The following EPB41 variants were observed in gnomAD, a reference collection of about 807,000 sequenced individuals.
The protein encoded by EPB41 is erythrocyte membrane protein band 4.1.
In EPB41, 65 loss-of-function variants were observed where a neutral mutation model predicts 108.0. The observed-to-expected ratio is 0.60, with a 90% confidence interval of 0.49 to 0.74. The LOEUF (loss-of-function observed/expected upper bound fraction) is 0.74. Among genes scored for constraint, EPB41 ranks in the 30% least tolerant of loss-of-function variants. EPB41 has a pLI of 0.00. For synonymous variants in EPB41, 336 were observed against 358.9 expected (o/e 0.94, Z 0.72); for missense variants, 875 against 1,037.0 (o/e 0.84, Z 2.15).
rs1235864058 is a variant in EPB41, at chr1:29,119,441, AATTTT to A, written c.*2636_*2640del. On this transcript the variant is annotated 3_prime_UTR_variant, in exon 21 of 21. Coordinates refer to ENST00000343067, the MANE Select transcript of EPB41 (RefSeq NM_001376013.1). ...ACACCACAGTAACAACTCTCGCTGC[AATTTT>A]ATTTTAATTTGAGAAATAAAGATTT... 2.0e-5 allele frequency: 3 copies of A among 152,686 alleles called. No individual in the cohort carries two copies. Among genetic ancestry groups the A allele is most frequent in the South Asian group, 2.1e-4 (1 of 4,820 alleles). The allele number at this position is 152,686 out of a possible 1,614,324, so 9.5% of individuals were successfully genotyped here.
chr1:28,958,101 C>A (rs933946273), intron 1 of EPB41, among the ~76,000 whole-genome samples: 3 of 152,098 alleles, frequency 2.0e-5, no homozygotes, highest in African/African-American at 7.2e-5. Flanking sequence ...AGGTGTTGAG[C>A]CACTGCACCC....
chr1:29,025,634 C>T (rs1240394496), intron 7 of EPB41, among the ~76,000 whole-genome samples: 1 of 151,984 alleles, frequency 6.6e-6, no homozygotes, highest in African/African-American at 2.4e-5. Flanking sequence ...GTTGTGTTAA[C>T]ATGCACAGAT....
intron 16 of EPB41, among the ~76,000 whole-genome samples, chr1:29,085,035 T>C (rs1424601195): frequency 2.0e-5 from 3 of 152,070 alleles, no homozygotes; most frequent in African/African-American, 7.2e-5. Flanking sequence ...TTTTAAGAAA[T>C]ATAAATCATT....
At chr1:28,905,821 T>TC (rs1467437133) in intron 1 of EPB41, among the ~76,000 whole-genome samples, 2 of 114,836 alleles carry the variant, frequency 1.7e-5, no homozygotes, top group Non-Finnish European at 3.6e-5. Context: ...TTTCTTTCTT[T>TC]TTTTTTTTTT....
In EPB41 at chr1:28,887,245, C is replaced by T. The variant is rs547207726; in HGVS notation, c.-8+35C>T. ...GACCACCTGGGGGGCGACCCTCGGTCCCCGGGAGGGACGGGGTTAGGGACA... is the reference window on the plus strand; with the variant it reads ...GACCACCTGGGGGGCGACCCTCGGTTCCCGGGAGGGACGGGGTTAGGGACA... On this transcript the variant is annotated intron_variant, in intron 1 of 16. Coordinates refer to the EPB41 transcript ENST00000347529. The surrounding 1 kb of genome is among the most constrained non-coding windows in gnomAD (Gnocchi z 4.9). 7.1e-4 allele frequency: 910 copies of T among 1,278,078 alleles called. No homozygotes were observed. Among genetic ancestry groups the T allele is most frequent in the Non-Finnish European group, 8.2e-4 (804 of 983,914 alleles). The allele number at this position is 1,278,078 out of a possible 1,614,324, so 79.2% of individuals were successfully genotyped here.
At chr1:28,941,005 T>A (rs943230416) in intron 1 of EPB41, among the ~76,000 whole-genome samples, 12 of 152,170 alleles carry the variant, frequency 7.9e-5, no homozygotes, top group African/African-American at 2.9e-4. Context: ...AATCAGTAGA[T>A]GGTGAATTTG....
At chr1:28,891,257 A>G (rs142470591) in intron 1 of EPB41, among the ~76,000 whole-genome samples, 30 of 152,334 alleles carry the variant, frequency 2.0e-4, no homozygotes, top group Admixed American at 1.4e-3. Flanking sequence ...ATAAAGGGTT[A>G]GAGGAGAGCT....
rs1217567513 is a variant in EPB41, at chr1:29,119,595, C to G, written c.*2783C>G. On this transcript the variant is annotated 3_prime_UTR_variant, in exon 21 of 21. Coordinates refer to ENST00000343067, the MANE Select transcript of EPB41 (RefSeq NM_001376013.1). ...CCCCGTGACCCATCCCCGTCCCCAC[C>G]CCCCCCTCCACCGCTGGGCCCATCA... is the stretch of plus-strand genomic sequence containing the variant. 2.0e-5 allele frequency: 3 copies of G among 152,124 alleles called. No homozygotes were observed. Among genetic ancestry groups the G allele is most frequent in the Non-Finnish European group, 4.4e-5 (3 of 68,010 alleles). The allele number at this position is 152,124 out of a possible 1,614,324, so 9.4% of individuals were successfully genotyped here.
chr1:29,110,041 GTTAAC>G (rs1322392308), intron 18 of EPB41, among the ~76,000 whole-genome samples: 1 of 146,032 alleles, frequency 6.8e-6, no homozygotes, highest in Non-Finnish European at 1.5e-5. Context: ...TCAATAGAAA[GTTAAC>G]TTAAGGGGCC....
At chr1:29,110,034 A>G (rs1668624326) in intron 18 of EPB41, among the ~76,000 whole-genome samples, 1 of 148,012 alleles carries the variant, frequency 6.8e-6, no homozygotes, top group African/African-American at 2.5e-5. Flanking sequence ...CTCTATCTCA[A>G]TAGAAAGTTA....
At chr1:29,106,564 A>ACTTTTT (rs1233211329) in intron 17 of EPB41, among the ~76,000 whole-genome samples, 1 of 50,882 alleles carries the variant, frequency 2.0e-5, no homozygotes, top group Non-Finnish European at 3.3e-5. Context: ...AGTAGCTGGG[A>ACTTTTT]TTTTTTTTTT....
chr1:28,905,368 G>T (rs893491465), intron 1 of EPB41, among the ~76,000 whole-genome samples: 21 of 151,682 alleles, frequency 1.4e-4, no homozygotes, highest in East Asian at 7.8e-4. Flanking sequence ...CTGGTGGTAC[G>T]TGCCTGTAAT....
intron 4 of EPB41, among the ~76,000 whole-genome samples, chr1:29,009,660 C>G (rs2096466304): frequency 6.6e-6 from 1 of 152,110 alleles, no homozygotes; most frequent in African/African-American, 2.4e-5. Flanking sequence ...TCTTCCTTTG[C>G]CTTTGAAAAT....
chr1:29,118,886 G>A lies in EPB41; in HGVS notation c.*2074G>A, dbSNP rs1236131345. 1.3e-5 allele frequency: 2 copies of A among 152,256 alleles called. No homozygotes were observed. The highest frequency in any genetic ancestry group is 1.9e-4 in the East Asian group (1 of 5,202). 9.4% of individuals were successfully genotyped at this position (152,256 alleles called of 1,614,324 possible). ...TACATCAAACGAACATGTAGTGCAT[G>A]CCCACTGCCTGATGGCCAGATGGCC... On this transcript the variant is annotated 3_prime_UTR_variant, in exon 21 of 21. Coordinates refer to ENST00000343067, the MANE Select transcript of EPB41 (RefSeq NM_001376013.1).
chr1:29,010,417 G>A (rs916726862), intron 4 of EPB41, among the ~76,000 whole-genome samples: 10 of 152,202 alleles, frequency 6.6e-5, no homozygotes, highest in African/African-American at 2.4e-4. Flanking sequence ...GAAGAGGCAA[G>A]AGAGGGGCTC....
chr1:29,079,153 G>A (rs1398089041), intron 16 of EPB41, among the ~76,000 whole-genome samples: 1 of 151,762 alleles, frequency 6.6e-6, no homozygotes, highest in African/African-American at 2.4e-5. Context: ...CTGCCACCAC[G>A]CTCAGCTAAT....
chr1:29,068,187 C>T (rs931320561), intron 16 of EPB41, among the ~76,000 whole-genome samples: 7 of 152,172 alleles, frequency 4.6e-5, no homozygotes, highest in Admixed American at 3.9e-4. Flanking sequence ...GTCTGTGACT[C>T]CATAAGAAAA....
At chr1:29,069,495 C>G in intron 16 of EPB41, 1 of 1,171,022 alleles carries the variant, frequency 8.5e-7, no homozygotes, top group Non-Finnish European at 1.1e-6. Flanking sequence ...AACTTTTATA[C>G]TTTTTGTTTT....
chr1:29,014,932 G>A (rs1455148523), intron 5 of EPB41, among the ~76,000 whole-genome samples: 2 of 152,096 alleles, frequency 1.3e-5, no homozygotes, highest in African/African-American at 4.8e-5. Context: ...TATCGCATGA[G>A]CCCAGGAGTT....
Sources: allele counts gnomAD v4.1 joint callset (sites outside exome capture counted in the v4.1 genomes callset), GRCh38; gene constraint gnomAD v4.1.1; non-coding constraint Gnocchi (gnomAD v3.1); transcripts MANE v1.5; gene names NCBI Gene and HGNC (gene_info 2026-07-23, HGNC 2026-07-21).